The following MID1 variants were observed in gnomAD, a reference collection of about 807,000 sequenced individuals.
MID1 encodes midline 1, also known as E3 ubiquitin-protein ligase Midline-1.
A neutral mutation model predicts 40.4 loss-of-function variants in MID1; 7 were observed. The observed-to-expected ratio is 0.17, with a 90% confidence interval of 0.10 to 0.33. MID1 has a LOEUF of 0.33. Ranked by LOEUF, MID1 falls within the 10% of genes least tolerant of loss-of-function variation. The pLI is 1.00. For synonymous variants in MID1, 229 were observed against 221.2 expected (o/e 1.04, Z -0.31); for missense variants, 367 against 558.5 (o/e 0.66, Z 3.46).
intron 1 of MID1, among the ~76,000 whole-genome samples, chrX:10,753,759 C>T (rs912759819): frequency 8.9e-6 from 1 of 111,931 alleles, no homozygotes; most frequent in Non-Finnish European, 1.9e-5. Flanking sequence ...TATATCGTGT[C>T]CCCAAAATAT....
chrX:10,512,084 G>A (rs993448306), intron 3 of MID1, among the ~76,000 whole-genome samples: 5 of 111,832 alleles, frequency 4.5e-5, no homozygotes, highest in Non-Finnish European at 9.4e-5. Flanking sequence ...AACTTCCTGG[G>A]AAGGAGGAAA....
At chrX:10,714,958 C>G (rs1053616901) in intron 1 of MID1, among the ~76,000 whole-genome samples, 1 of 112,630 alleles carries the variant, frequency 8.9e-6, no homozygotes, top group Non-Finnish European at 1.9e-5. Context: ...CCAATCAAGA[C>G]ATAATATTTC....
intron 1 of MID1, among the ~76,000 whole-genome samples, chrX:10,732,550 C>A (rs2043457252): frequency 8.9e-6 from 1 of 112,122 alleles, no homozygotes; most frequent in African/African-American, 3.2e-5. Context: ...GCTAAAATGT[C>A]AATTCTCCCC....
intron 1 of MID1, among the ~76,000 whole-genome samples, chrX:10,586,473 T>C (rs1823002318): frequency 9.0e-6 from 1 of 111,657 alleles, no homozygotes; most frequent in African/African-American, 3.3e-5. Flanking sequence ...TAGAATAAAC[T>C]GAGTCTAATA....
intron 2 of MID1, among the ~76,000 whole-genome samples, chrX:10,547,229 T>C (rs1005305996): frequency 1.8e-5 from 2 of 110,561 alleles, no homozygotes; most frequent in African/African-American, 6.6e-5. Context: ...GAGCCATGAT[T>C]GCACTACTGC....
chrX:10,787,375 T>A (rs949252420), intron 1 of MID1, among the ~76,000 whole-genome samples: 2 of 109,614 alleles, frequency 1.8e-5, no homozygotes, highest in Non-Finnish European at 3.8e-5. Flanking sequence ...CTTTATATAT[T>A]TTTTTAAATT....
At chrX:10,469,873 AGC>A in intron 6 of MID1, 33 bp from the exon 7 acceptor site, 1 of 1,178,684 alleles carries the variant, frequency 8.5e-7, no homozygotes, top group Non-Finnish European at 1.2e-6. Flanking sequence ...TCAGTGGAAA[AGC>A]ACACACAACT....
intron 1 of MID1, among the ~76,000 whole-genome samples, chrX:10,639,912 A>G (rs1283899642): frequency 1.8e-5 from 2 of 111,687 alleles, no homozygotes; most frequent in African/African-American, 6.5e-5. Context: ...ATCCAGCCAA[A>G]CTAAGCTTCA....
chrX:10,669,525 A>G (rs1197233506), intron 1 of MID1, among the ~76,000 whole-genome samples: 1 of 112,221 alleles, frequency 8.9e-6, no homozygotes, highest in Non-Finnish European at 1.9e-5. Context: ...CTCTGGTATA[A>G]TAATTCTAGC....
At chrX:10,545,996 G>T (rs1355911155) in intron 2 of MID1, among the ~76,000 whole-genome samples, 1 of 110,034 alleles carries the variant, frequency 9.1e-6, no homozygotes, top group Non-Finnish European at 1.9e-5. Flanking sequence ...TTTTTTTTAG[G>T]ATATTGCCAA....
intron 3 of MID1, chrX:10,505,416 T>G: frequency 1.3e-6 from 1 of 752,232 alleles, no homozygotes; most frequent in Non-Finnish European, 1.6e-6. Flanking sequence ...TCATAATTCA[T>G]TGAAAAACAA....
At chrX:10,517,091 A>G (rs1932487284) in intron 3 of MID1, among the ~76,000 whole-genome samples, 1 of 111,835 alleles carries the variant, frequency 8.9e-6, no homozygotes, top group Admixed American at 9.5e-5. Context: ...GCAGAGGTAA[A>G]TCCCTGGGAA....
At chrX:10,572,219 CAT>C (rs33986039) in intron 1 of MID1, among the ~76,000 whole-genome samples, 21 of 100,678 alleles carry the variant, frequency 2.1e-4, no homozygotes, top group African/African-American at 6.7e-4. Flanking sequence ...CACACACACA[CAT>C]ATATATATAG....
chrX:10,575,356 C>T (rs769335035), intron 1 of MID1, among the ~76,000 whole-genome samples: 11 of 112,000 alleles, frequency 9.8e-5, no homozygotes, highest in Non-Finnish European at 1.7e-4. Flanking sequence ...TGGAAATCAA[C>T]CTGAGTTTGG....
chrX:10,601,791 G>A (rs1013738867), intron 1 of MID1, among the ~76,000 whole-genome samples: 3 of 111,621 alleles, frequency 2.7e-5, no homozygotes, highest in Non-Finnish European at 3.8e-5. Flanking sequence ...TGGGGAAGAA[G>A]GAGAATGACT....
intron 5 of MID1, among the ~76,000 whole-genome samples, chrX:10,479,884 T>C (rs991565684): frequency 2.7e-5 from 3 of 111,988 alleles, no homozygotes; most frequent in Non-Finnish European, 5.6e-5. Flanking sequence ...GATTATATGA[T>C]AGCTTAATTT....
chrX:10,548,805 C>T (rs990134639), intron 2 of MID1, among the ~76,000 whole-genome samples: 1 of 109,196 alleles, frequency 9.2e-6, no homozygotes, highest in Non-Finnish European at 1.9e-5. Context: ...TGCTGTTTCC[C>T]AAGGACTCGT....
At chrX:10,586,135 TAC>T (rs753887069) in intron 1 of MID1, among the ~76,000 whole-genome samples, 106 of 111,711 alleles carry the variant, frequency 9.5e-4, no homozygotes, top group African/African-American at 3.3e-3. Flanking sequence ...AGAGTTCCAG[TAC>T]ACTTATAATA....
chrX:10,549,125 A>T (rs1431945746), intron 2 of MID1, among the ~76,000 whole-genome samples: 1 of 112,466 alleles, frequency 8.9e-6, no homozygotes, highest in Admixed American at 9.4e-5. Context: ...ATATACTGTG[A>T]TTATTACTTT....
Sources: allele counts gnomAD v4.1 joint callset (sites outside exome capture counted in the v4.1 genomes callset), GRCh38; gene constraint gnomAD v4.1.1; transcripts MANE v1.5; gene names NCBI Gene and HGNC (gene_info 2026-07-23, HGNC 2026-07-21).